SH2D4A: variants seen among roughly 807,000 people sequenced by gnomAD.
The protein encoded by SH2D4A is SH2 domain containing 4A, also known as SH2 domain-containing protein 4A.
Under a neutral mutation model 64.7 loss-of-function variants are expected in SH2D4A, and 70 were observed. The ratio of observed to expected loss-of-function variants is 1.08; its 90% CI spans 0.89 to 1.32. The LOEUF (loss-of-function observed/expected upper bound fraction) is 1.32, where lower values mean the gene tolerates loss of function less well. Among genes scored for constraint, SH2D4A ranks in the 40% most tolerant of loss-of-function variants. The probability of loss-of-function intolerance (pLI) is 0.00; values close to 1 mark genes in which losing one functional copy is unlikely to be tolerated. For missense variants in SH2D4A, 706 were observed against 540.1 expected (o/e 1.31, Z -3.04); for synonymous variants, 268 against 200.7 (o/e 1.34, Z -2.83).
At chr8:19,316,316 A>G (rs1231752886) in intron 1 of SH2D4A, among the ~76,000 whole-genome samples, 1 of 152,254 alleles carries the variant, frequency 6.6e-6, no homozygotes, top group African/African-American at 2.4e-5. Context: ...AAAACAAAAC[A>G]ACATAAAAAT....
intron 9 of SH2D4A, 54 bp from the exon 10 acceptor site, chr8:19,394,496 A>G: frequency 4.0e-6 from 5 of 1,234,866 alleles, no homozygotes; most frequent in Non-Finnish European, 4.5e-6. Flanking sequence ...AGGAAGTAGG[A>G]AGAGCATGTG....
chr8:19,345,682 T>C lies in SH2D4A; in HGVS notation c.513+10825T>C, dbSNP rs1658533688. 3.9e-5 allele frequency among the ~76,000 whole-genome samples: 6 copies of C among 152,338 alleles called. No homozygotes were observed. In the South Asian group the frequency reaches 1.2e-3, roughly 32 times the overall value. The stretch of plus-strand genomic sequence containing the variant: ...TAGCTAATCTTCTCACATATAAAAA[T>C]GTAGAGAGCTGTACCTTCCTGCCAT... On this transcript the variant is annotated intron_variant, in intron 4 of 9. Transcript: ENST00000265807.
At chr8:19,383,634 A>G (rs773887284) in intron 8 of SH2D4A, among the ~76,000 whole-genome samples, 1 of 150,636 alleles carries the variant, frequency 6.6e-6, no homozygotes, top group Non-Finnish European at 1.5e-5. Context: ...AAGGTTTACT[A>G]TTTTTTTTTG....
intron 6 of SH2D4A, among the ~76,000 whole-genome samples, chr8:19,362,703 G>A (rs2052911571): frequency 6.6e-6 from 1 of 152,034 alleles, no homozygotes; most frequent in Admixed American, 6.6e-5. Context: ...TCGTACCACT[G>A]CACTTCAGCC....
At chr8:19,351,424 A>T (rs2052702877) in intron 4 of SH2D4A, among the ~76,000 whole-genome samples, 1 of 152,110 alleles carries the variant, frequency 6.6e-6, no homozygotes, top group Non-Finnish European at 1.5e-5. Flanking sequence ...TAACACGGTG[A>T]AACCCCGTCT....
At chr8:19,365,439 C>T (rs1236689033) in intron 7 of SH2D4A, among the ~76,000 whole-genome samples, 1 of 152,128 alleles carries the variant, frequency 6.6e-6, no homozygotes, top group Non-Finnish European at 1.5e-5. Context: ...ATTGTGAGAA[C>T]AGCTGACAAA....
At chr8:19,380,435 G>A (rs1456902328) in intron 8 of SH2D4A, among the ~76,000 whole-genome samples, 2 of 152,084 alleles carry the variant, frequency 1.3e-5, no homozygotes, top group Admixed American at 6.6e-5. Flanking sequence ...TCATATCTAA[G>A]AAATCACTGC....
chr8:19,389,378 G>A (rs1337874236), intron 8 of SH2D4A, among the ~76,000 whole-genome samples: 2 of 152,196 alleles, frequency 1.3e-5, no homozygotes, highest in Admixed American at 1.3e-4. Flanking sequence ...AACACATGTG[G>A]CTTTTCCCAT....
At chr8:19,361,807 T>A (rs890400951) in intron 6 of SH2D4A, among the ~76,000 whole-genome samples, 1 of 143,854 alleles carries the variant, frequency 7.0e-6, no homozygotes, top group African/African-American at 3.0e-5. Context: ...GTGTTTTGGA[T>A]TTTTTTTCCC....
chr8:19,328,058 G>A (rs1020311496), intron 2 of SH2D4A, among the ~76,000 whole-genome samples: 1 of 152,152 alleles, frequency 6.6e-6, no homozygotes, highest in African/African-American at 2.4e-5. Context: ...TGGGGCATCA[G>A]AATCCTCCAT....
intron 4 of SH2D4A, among the ~76,000 whole-genome samples, chr8:19,354,014 C>T (rs2052751250): frequency 7.5e-6 from 1 of 132,692 alleles, no homozygotes; most frequent in African/African-American, 2.8e-5. Flanking sequence ...TTTTTTTTGA[C>T]ACGGAGTCTC....
chr8:19,378,315 G>C (rs183264694), intron 8 of SH2D4A, among the ~76,000 whole-genome samples: 7 of 152,208 alleles, frequency 4.6e-5, no homozygotes, highest in African/African-American at 1.7e-4. Context: ...TATAGTTTCT[G>C]CTTGTTGTAT....
At chr8:19,348,424 T>C (rs577256696) in intron 4 of SH2D4A, among the ~76,000 whole-genome samples, 18 of 152,324 alleles carry the variant, frequency 1.2e-4, no homozygotes, top group Admixed American at 1.2e-3. Flanking sequence ...TATGTTTCCA[T>C]GAGTAGAGAG....
chr8:19,362,534 G>C (rs554097562), intron 6 of SH2D4A, among the ~76,000 whole-genome samples: 2 of 152,140 alleles, frequency 1.3e-5, no homozygotes, highest in Non-Finnish European at 2.9e-5. Flanking sequence ...CAGGTCATGA[G>C]TTCAAGACCA....
intron 2 of SH2D4A, 38 bp downstream of exon 2, chr8:19,319,766 A>G: frequency 3.3e-6 from 5 of 1,511,964 alleles, no homozygotes; most frequent in Non-Finnish European, 4.4e-6. Context: ...ATGTGTTGGT[A>G]GAACAGCTCC....
At chr8:19,316,039 T>A (rs1424978951) in intron 1 of SH2D4A, among the ~76,000 whole-genome samples, 1 of 152,048 alleles carries the variant, frequency 6.6e-6, no homozygotes, top group Non-Finnish European at 1.5e-5. Flanking sequence ...CTGGGTGTCT[T>A]GGGTGTACTG....
Position 19,334,769 on chromosome 8 carries a change from C to T in SH2D4A, c.425C>T (p.Thr142Ile), listed in dbSNP as rs980974376. 3 of 1,613,868 alleles carry T rather than the reference C, an allele frequency of 1.9e-6. No homozygotes were observed. The African/African-American group carries it at 4.0e-5, about 22-fold the overall frequency. Residue 142 changes from threonine (T) to isoleucine (I), a missense_variant, in exon 4 of 10, where the codon ACT (threonine) becomes ATT (isoleucine). Thr to Ile is a moderately conservative substitution (Grantham distance 89). Transcript: ENST00000265807. The part of the protein sequence containing the change: ...HDLQAPDNQQ[T>I]KDIWKKVAEK... Reference sequence around the variant, plus strand: ...CTGCAGGCTCCGGATAACCAGCAGACTAAAGACATCTGGAAGAAAGTGGCA... The same window carrying T: ...CTGCAGGCTCCGGATAACCAGCAGATTAAAGACATCTGGAAGAAAGTGGCA...
intron 8 of SH2D4A, among the ~76,000 whole-genome samples, chr8:19,389,477 C>T (rs529956182): frequency 3.7e-4 from 57 of 152,258 alleles, no homozygotes; most frequent in African/African-American, 1.2e-3. Flanking sequence ...GGGACCTCCT[C>T]CAGCTGCGAC....
intron 8 of SH2D4A, among the ~76,000 whole-genome samples, chr8:19,381,608 GATA>G (rs1373988785): frequency 6.6e-6 from 1 of 152,120 alleles, no homozygotes; most frequent in African/African-American, 2.4e-5. Flanking sequence ...TGACAACAGA[GATA>G]ATTTAACTTC....
Sources: allele counts gnomAD v4.1 joint callset (sites outside exome capture counted in the v4.1 genomes callset), GRCh38; gene constraint gnomAD v4.1.1; transcripts MANE v1.5; gene names NCBI Gene and HGNC (gene_info 2026-07-23, HGNC 2026-07-21).